Variants in ACKR2 observed in about 807,000 individuals in gnomAD.
ACKR2 encodes the protein atypical chemokine receptor 2, also known as C-C chemokine receptor D6.
For synonymous variants in ACKR2, 207 were observed against 192.2 expected, an observed-to-expected ratio of 1.08 and a Z score of -0.64; for missense variants, 457 against 477.3, an observed-to-expected ratio of 0.96 and a Z score of 0.40.
intron 2 of ACKR2, among the ~76,000 whole-genome samples, chr3:42,857,343 G>A (rs2088331672): frequency 6.6e-6 from 1 of 152,176 alleles, no homozygotes; most frequent in Admixed American, 6.5e-5. Context: ...AGTCTTAGGT[G>A]ACTGAGTAGT....
intron 2 of ACKR2, among the ~76,000 whole-genome samples, chr3:42,850,554 G>C (rs1701143812): frequency 6.6e-6 from 1 of 152,170 alleles, no homozygotes; most frequent in South Asian, 2.1e-4. Flanking sequence ...AGCACTTGCT[G>C]TGTGTCAAGG....
At chr3:42,823,876 A>G (rs893037348) in intron 2 of ACKR2, among the ~76,000 whole-genome samples, 3 of 152,226 alleles carry the variant, frequency 2.0e-5, no homozygotes, top group Non-Finnish European at 2.9e-5. Flanking sequence ...TTCTGATTTC[A>G]TAACTTAGAT....
At position 42,852,169 on chromosome 3, in the gene ACKR2, G is replaced by A. The variant is rs542509635; in HGVS notation, c.-37-12297G>A. ...GAGTTGCACAGCCATTAAGAAGTGA[G>A]TTAAGCTATATTCTGTCTGTTCTAC... On this transcript the variant is annotated intron_variant, in intron 2 of 2. Coordinates refer to ENST00000422265, the MANE Select transcript of ACKR2 (RefSeq NM_001296.5). The surrounding 1 kb of genome is among the most constrained non-coding windows in gnomAD (Gnocchi z 4.3). Among the ~76,000 whole-genome samples the A allele has an allele frequency of 5.3e-5, 8 of 152,296 alleles. No homozygotes were observed. The East Asian group carries it at 1.5e-3, about 29-fold the overall frequency.
At chr3:42,856,387 A>C in intron 2 of ACKR2, 1 of 703,040 alleles carries the variant, frequency 1.4e-6, no homozygotes, top group Non-Finnish European at 2.6e-6. Context: ...GCAGCACTGA[A>C]TAGTTCCATC....
intron 2 of ACKR2, among the ~76,000 whole-genome samples, chr3:42,848,906 C>T (rs1701124614): frequency 6.6e-6 from 1 of 152,164 alleles, no homozygotes; most frequent in Admixed American, 6.5e-5. Flanking sequence ...TCAGTCTAAT[C>T]CTGAAGAAAC....
At chr3:42,827,081 ATAT>A (rs1361474783) in intron 2 of ACKR2, among the ~76,000 whole-genome samples, 1 of 152,106 alleles carries the variant, frequency 6.6e-6, no homozygotes, top group Non-Finnish European at 1.5e-5. Flanking sequence ...GTTGGAGAAG[ATAT>A]TATATATGGT....
chr3:42,823,721 A>G (rs1015433338), intron 2 of ACKR2, among the ~76,000 whole-genome samples: 2 of 152,250 alleles, frequency 1.3e-5, no homozygotes, highest in Admixed American at 6.5e-5. Flanking sequence ...TAGGATGGCA[A>G]GAAACCTATA....
At chr3:42,832,939 C>G (rs1012060892) in intron 2 of ACKR2, among the ~76,000 whole-genome samples, 1 of 152,180 alleles carries the variant, frequency 6.6e-6, no homozygotes, top group Non-Finnish European at 1.5e-5. Context: ...TCTCAGCTCA[C>G]TACAACCTCT....
At chr3:42,816,396 A>G (rs999879838) in intron 1 of ACKR2, among the ~76,000 whole-genome samples, 3 of 152,276 alleles carry the variant, frequency 2.0e-5, no homozygotes, top group East Asian at 1.9e-4. Flanking sequence ...GGTTTCATCA[A>G]CTGGTTCCCA....
chr3:42,833,199 C>G (rs1268357281), intron 2 of ACKR2, among the ~76,000 whole-genome samples: 2 of 152,114 alleles, frequency 1.3e-5, no homozygotes, highest in Non-Finnish European at 2.9e-5. Flanking sequence ...TGAGGGCTCA[C>G]TAAGTTGCCC....
intron 1 of ACKR2, among the ~76,000 whole-genome samples, chr3:42,817,897 C>T (rs1482984820): frequency 6.6e-6 from 1 of 152,202 alleles, no homozygotes; most frequent in African/African-American, 2.4e-5. Context: ...TCCTTCCAGT[C>T]TGGTCATTCT....
intron 2 of ACKR2, among the ~76,000 whole-genome samples, chr3:42,839,436 C>A (rs1701015711): frequency 1.3e-5 from 2 of 152,012 alleles, no homozygotes; most frequent in Non-Finnish European, 2.9e-5. Context: ...AATGCCAAGG[C>A]AATAGATGAG....
At chr3:42,856,308 C>A in intron 2 of ACKR2, 1 of 695,108 alleles carries the variant, frequency 1.4e-6, no homozygotes, top group East Asian at 2.7e-5. Flanking sequence ...CGGATAGGAG[C>A]CCAAGGGTGG....
In ACKR2 at chr3:42,865,846, C is replaced by T. The variant is rs2088430646; in HGVS notation, c.*189C>T. On this transcript the variant is annotated 3_prime_UTR_variant, in exon 3 of 3. Transcript: ENST00000422265. ...ACTTTCTTCACTTGCTTCCAGGATA[C>T]CACGCTTTCTTTTCTGAATTGCTAC... 1 of 546,588 alleles carries T rather than the reference C, an allele frequency of 1.8e-6. No homozygotes were observed. Among genetic ancestry groups the T allele is most frequent in the Non-Finnish European group, 3.3e-6 (1 of 304,544 alleles). 33.9% of individuals were successfully genotyped at this position (546,588 alleles called of 1,614,324 possible).
At chr3:42,817,061 T>C (rs1249288545) in intron 1 of ACKR2, among the ~76,000 whole-genome samples, 1 of 152,130 alleles carries the variant, frequency 6.6e-6, no homozygotes, top group African/African-American at 2.4e-5. Flanking sequence ...GCCTCACATT[T>C]TTCATCAACA....
chr3:42,865,608 A>C lies in ACKR2; in HGVS notation c.1106A>C (p.Gln369Pro), dbSNP rs749109624. ...MTGMNDLGER[Q>P]SENYPNKEDV... ...GGCATGAATGACCTTGGAGAGAGGC[A>C]GTCTGAGAACTACCCTAACAAGGAG... is the stretch of plus-strand genomic sequence containing the variant. Residue 369 changes from glutamine to proline, a missense_variant, in exon 3 of 3, where the codon CAG becomes CCG. Coordinates refer to ENST00000422265, the MANE Select transcript of ACKR2 (RefSeq NM_001296.5). 2 of 1,613,900 alleles carry C rather than the reference A, an allele frequency of 1.2e-6. No individual in the cohort carries two copies. Among genetic ancestry groups the C allele is most frequent in the Non-Finnish European group, 1.7e-6 (2 of 1,179,986 alleles).
In ACKR2 at chr3:42,819,717, C is replaced by G. The variant is rs1468226522; in HGVS notation, c.-38+6C>G. The G allele has an allele frequency of 6.6e-6, 1 of 152,292 alleles. No individual in the cohort carries two copies. Among genetic ancestry groups the G allele is most frequent in the African/African-American group, 2.4e-5 (1 of 41,464 alleles). The allele number at this position is 152,292 out of a possible 1,614,324, so 9.4% of individuals were successfully genotyped here. A position where few individuals can be genotyped will look rare whatever the true frequency, so the allele number is the denominator to read the frequency against. On this transcript the variant is annotated splice_donor_region_variant and intron_variant, in intron 2 of 2. Coordinates refer to ENST00000422265, the MANE Select transcript of ACKR2 (RefSeq NM_001296.5). ...TGCCTCTCTGCAAAGTTGAGGTAAG[C>G]AGCTGAGTTCAATGATGCTGGCTGC...
chr3:42,813,188 C>G (rs1575371857), intron 1 of ACKR2, among the ~76,000 whole-genome samples: 1 of 152,096 alleles, frequency 6.6e-6, no homozygotes, highest in African/African-American at 2.4e-5. Flanking sequence ...AAGAATTAGT[C>G]CAAGAGCTAT....
At chr3:42,826,333 G>A (rs1700864700) in intron 2 of ACKR2, among the ~76,000 whole-genome samples, 1 of 152,018 alleles carries the variant, frequency 6.6e-6, no homozygotes. Flanking sequence ...AGGATTAGTG[G>A]TAATTCTTTA....
Sources: gnomAD v4.1 joint callset for allele counts (sites outside exome capture counted in the v4.1 genomes callset) on GRCh38, gnomAD v4.1.1 for gene constraint, Gnocchi (gnomAD v3.1) non-coding constraint, MANE v1.5 for transcripts, NCBI Gene and HGNC (gene_info 2026-07-23, HGNC 2026-07-21) for gene names.